Variants in SGCZ observed in about 807,000 individuals in gnomAD.
The protein encoded by SGCZ is sarcoglycan zeta.
In SGCZ, 40 loss-of-function variants were observed where a neutral mutation model predicts 41.3. The observed-to-expected ratio is 0.97, with a 90% CI of 0.75 to 1.26. The LOEUF is 1.26. Ranked by LOEUF, SGCZ falls within the 50% of genes most tolerant of loss-of-function variation. The probability of loss-of-function intolerance (pLI) is 0.00; values close to 1 mark genes in which losing one functional copy is unlikely to be tolerated. For synonymous variants in SGCZ, 206 were observed against 137.5 expected (o/e 1.50, Z -3.49); for missense variants, 552 against 369.8 (o/e 1.49, Z -4.04).
intron 1 of SGCZ, among the ~76,000 whole-genome samples, chr8:14,651,486 C>T (rs73188152): frequency 0.15 from 22,423 of 151,968 alleles, 2,036 homozygotes; most frequent in African/African-American, 0.23. Context: ...ATTATTATAT[C>T]ACCATTATAC....
At chr8:14,228,929 A>T (rs1806466924) in intron 4 of SGCZ, among the ~76,000 whole-genome samples, 1 of 152,132 alleles carries the variant, frequency 6.6e-6, no homozygotes, top group Non-Finnish European at 1.5e-5. Context: ...AGTAGAGGCC[A>T]ATGCCATGCA....
At chr8:14,818,489 A>G (rs1010362228) in intron 1 of SGCZ, among the ~76,000 whole-genome samples, 6 of 152,174 alleles carry the variant, frequency 3.9e-5, no homozygotes, top group African/African-American at 1.4e-4. Context: ...TTCCCCTACA[A>G]AAGTTATATC....
intron 2 of SGCZ, among the ~76,000 whole-genome samples, chr8:14,523,086 T>G (rs1477674299): frequency 6.6e-6 from 1 of 151,962 alleles, no homozygotes; most frequent in Non-Finnish European, 1.5e-5. Flanking sequence ...TCCCTGTATA[T>G]CCCCTTACCT....
chr8:15,092,587 T>C (rs1806194049), intron 1 of SGCZ, among the ~76,000 whole-genome samples: 1 of 152,220 alleles, frequency 6.6e-6, no homozygotes, highest in Non-Finnish European at 1.5e-5. Context: ...AAATCTGTTT[T>C]GTATATTAAC....
intron 1 of SGCZ, among the ~76,000 whole-genome samples, chr8:14,754,155 C>T (rs1031304512): frequency 2.6e-5 from 4 of 151,956 alleles, no homozygotes; most frequent in Admixed American, 2.6e-4. Context: ...ATTTAGGGGA[C>T]CTCAAAAAAG....
At chr8:15,043,353 T>C (rs941888630) in intron 1 of SGCZ, among the ~76,000 whole-genome samples, 1 of 152,204 alleles carries the variant, frequency 6.6e-6, no homozygotes, top group African/African-American at 2.4e-5. Flanking sequence ...TTTCAGTTAA[T>C]CTCATTCTTA....
At chr8:14,612,834 T>C (rs1805973424) in intron 1 of SGCZ, among the ~76,000 whole-genome samples, 1 of 152,076 alleles carries the variant, frequency 6.6e-6, no homozygotes, top group Non-Finnish European at 1.5e-5. Context: ...TACAAGAACC[T>C]GCCATCACAC....
intron 2 of SGCZ, among the ~76,000 whole-genome samples, chr8:14,532,052 G>C (rs1188790197): frequency 1.3e-5 from 2 of 152,002 alleles, no homozygotes; most frequent in Non-Finnish European, 2.9e-5. Context: ...TTTTTCTTTA[G>C]CAATCAGTAC....
intron 1 of SGCZ, among the ~76,000 whole-genome samples, chr8:14,952,775 G>A (rs981300910): frequency 6.6e-6 from 1 of 152,132 alleles, no homozygotes; most frequent in Admixed American, 6.5e-5. Context: ...ATTGTTACCC[G>A]AGGTATTAAA....
In SGCZ at chr8:14,284,761, A is replaced by G. The variant is rs186688150; in HGVS notation, c.336+39342T>C. On this transcript the variant is annotated intron_variant, in intron 3 of 7. Transcript: ENST00000382080. The stretch of plus-strand genomic sequence containing the variant: ...GGAATTTTTTTTAATACTAGAGTGC[A>G]TATTTGGTCCTAAGTTACTGTTGAA... Among the ~76,000 whole-genome samples the G allele has an allele frequency of 3.3e-5, 5 of 152,204 alleles. No homozygotes were observed. In the East Asian group the frequency reaches 5.8e-4, roughly 18 times the overall value.
At chr8:15,082,708 C>A (rs1178828709) in intron 1 of SGCZ, among the ~76,000 whole-genome samples, 2 of 152,056 alleles carry the variant, frequency 1.3e-5, no homozygotes, top group Non-Finnish European at 2.9e-5. Flanking sequence ...CCTGAGAGGA[C>A]CTTTGTTACT....
intron 5 of SGCZ, among the ~76,000 whole-genome samples, 164 bp downstream of exon 5, chr8:14,164,416 A>C (rs1804142611): frequency 6.6e-6 from 1 of 152,146 alleles, no homozygotes; most frequent in Non-Finnish European, 1.5e-5. Context: ...TTCTACAACC[A>C]CAACCAGTGC....
At chr8:14,949,832 C>T (rs968289297) in intron 1 of SGCZ, among the ~76,000 whole-genome samples, 1 of 151,974 alleles carries the variant, frequency 6.6e-6, no homozygotes, top group Non-Finnish European at 1.5e-5. Flanking sequence ...GGTTTATAGT[C>T]AATATAATAA....
chr8:14,467,653 T>C (rs932343649), intron 2 of SGCZ, among the ~76,000 whole-genome samples: 1 of 152,066 alleles, frequency 6.6e-6, no homozygotes, highest in African/African-American at 2.4e-5. Flanking sequence ...AATTCCAAAG[T>C]AGTAACAGAT....
At chr8:14,804,563 G>T (rs1314854559) in intron 1 of SGCZ, among the ~76,000 whole-genome samples, 91 of 138,930 alleles carry the variant, frequency 6.6e-4, no homozygotes, top group African/African-American at 2.3e-3. Context: ...AAGCCTCCAA[G>T]AAATATGGGA....
At chr8:15,068,802 GCAATATACACAGT>G (rs1805245672) in intron 1 of SGCZ, among the ~76,000 whole-genome samples, 1 of 152,114 alleles carries the variant, frequency 6.6e-6, no homozygotes, top group Non-Finnish European at 1.5e-5. Context: ...AATGTCCTCA[GCAATATACACAGT>G]CAACCCAATT....
chr8:14,112,470 C>T (rs1375981259), intron 5 of SGCZ, among the ~76,000 whole-genome samples: 1 of 152,030 alleles, frequency 6.6e-6, no homozygotes, highest in Admixed American at 6.6e-5. Flanking sequence ...TTCTAGATCT[C>T]AAGGAACAGA....
At chr8:14,814,811 C>CT (rs1318822727) in intron 1 of SGCZ, among the ~76,000 whole-genome samples, 1 of 152,040 alleles carries the variant, frequency 6.6e-6, no homozygotes, top group Non-Finnish European at 1.5e-5. Context: ...GAAAACAGTA[C>CT]TTTTTCAGCC....
At chr8:14,513,068 T>C (rs1424048310) in intron 2 of SGCZ, among the ~76,000 whole-genome samples, 2 of 152,104 alleles carry the variant, frequency 1.3e-5, no homozygotes, top group Non-Finnish European at 2.9e-5. Context: ...TCTCATAGTC[T>C]CACAGTGAAG....
Sources: gnomAD v4.1 joint callset for allele counts (sites outside exome capture counted in the v4.1 genomes callset) on GRCh38, gnomAD v4.1.1 for gene constraint, MANE v1.5 for transcripts, NCBI Gene and HGNC (gene_info 2026-07-23, HGNC 2026-07-21) for gene names.